Variants in TM2D1 observed in about 807,000 individuals in gnomAD.
TM2D1 encodes TM2 domain containing 1, also known as TM2 domain-containing protein 1.
In TM2D1, 15 loss-of-function variants were observed where a neutral mutation model predicts 28.4. That is an observed-to-expected ratio of 0.53 (90% CI 0.35 to 0.81). TM2D1 has a LOEUF of 0.81. Ranked by LOEUF, TM2D1 falls within the 40% of genes least tolerant of loss-of-function variation. The probability of loss-of-function intolerance (pLI) is 0.01; values close to 1 mark genes in which losing one functional copy is unlikely to be tolerated. For synonymous variants in TM2D1, 93 were observed against 96.2 expected, an observed-to-expected ratio of 0.97 and a Z score of 0.20; for missense variants, 236 against 254.9, an observed-to-expected ratio of 0.93 and a Z score of 0.50.
chr1:61,719,329 C>A (rs1205446728), intron 2 of TM2D1, among the ~76,000 whole-genome samples: 1 of 152,114 alleles, frequency 6.6e-6, no homozygotes, highest in Non-Finnish European at 1.5e-5. Flanking sequence ...GGATTACAGG[C>A]ATGGGCCACC....
intron 2 of TM2D1, among the ~76,000 whole-genome samples, chr1:61,721,353 C>G (rs925418510): frequency 6.6e-6 from 1 of 151,954 alleles, no homozygotes; most frequent in Non-Finnish European, 1.5e-5. Context: ...ACCAACCTGG[C>G]CAATACGGCG....
chr1:61,697,953 G>A (rs757674953), intron 4 of TM2D1: 21 of 152,120 alleles, frequency 1.4e-4, no homozygotes, highest in Non-Finnish European at 3.1e-4. Context: ...TTTTTGTGAA[G>A]CATCCCTAAG....
At chr1:61,719,065 A>AT (rs1389709678) in intron 2 of TM2D1, among the ~76,000 whole-genome samples, 14 of 152,042 alleles carry the variant, frequency 9.2e-5, no homozygotes, top group African/African-American at 3.4e-4. Flanking sequence ...TTTTTGTTTT[A>AT]TTTTTTATTT....
At chr1:61,690,960 T>C (rs1181454472) in intron 5 of TM2D1, among the ~76,000 whole-genome samples, 1 of 152,178 alleles carries the variant, frequency 6.6e-6, no homozygotes, top group Non-Finnish European at 1.5e-5. Flanking sequence ...AAATCCACTC[T>C]GTCATATTAA....
chr1:61,720,205 GC>G (rs1644552317), intron 2 of TM2D1, among the ~76,000 whole-genome samples: 1 of 151,860 alleles, frequency 6.6e-6, no homozygotes, highest in Non-Finnish European at 1.5e-5. Context: ...GAAAATACTT[GC>G]TGATATATGT....
intron 3 of TM2D1, among the ~76,000 whole-genome samples, chr1:61,702,612 C>T (rs527945738): frequency 2.0e-5 from 3 of 151,040 alleles, no homozygotes; most frequent in Non-Finnish European, 4.4e-5. Flanking sequence ...AAGTGACCCA[C>T]CCGCCTTGGC....
At chr1:61,716,446 T>C (rs950785236) in intron 2 of TM2D1, among the ~76,000 whole-genome samples, 1 of 145,700 alleles carries the variant, frequency 6.9e-6, no homozygotes, top group East Asian at 2.0e-4. Flanking sequence ...TATAATTATA[T>C]ATAATTTTAT....
chr1:61,719,681 G>A (rs1279273731), intron 2 of TM2D1, among the ~76,000 whole-genome samples: 1 of 151,938 alleles, frequency 6.6e-6, no homozygotes, highest in Non-Finnish European at 1.5e-5. Context: ...TTTTAGTAGA[G>A]ACGGGGTTTC....
At chr1:61,690,701 C>G (rs1644317919) in intron 5 of TM2D1, among the ~76,000 whole-genome samples, 1 of 152,068 alleles carries the variant, frequency 6.6e-6, no homozygotes. Flanking sequence ...TTTAACATAA[C>G]TGGTACTATA....
intron 3 of TM2D1, among the ~76,000 whole-genome samples, chr1:61,708,209 G>T (rs1208532682): frequency 5.3e-5 from 8 of 151,816 alleles, no homozygotes; most frequent in Non-Finnish European, 1.2e-4. Flanking sequence ...CACCTCACTG[G>T]GCTAATTTTT....
chr1:61,699,448 C>T (rs1001964502), intron 4 of TM2D1: 10 of 152,198 alleles, frequency 6.6e-5, no homozygotes, highest in African/African-American at 2.2e-4. Flanking sequence ...GCAAGATACT[C>T]AAAGCATTTT....
intron 3 of TM2D1, among the ~76,000 whole-genome samples, chr1:61,709,042 T>C (rs1398494736): frequency 6.6e-6 from 1 of 152,056 alleles, no homozygotes; most frequent in East Asian, 1.9e-4. Context: ...GGCACAAACC[T>C]GTACTCCAGC....
chr1:61,719,109 G>A (rs1227294638), intron 2 of TM2D1, among the ~76,000 whole-genome samples: 2 of 151,502 alleles, frequency 1.3e-5, no homozygotes, highest in African/African-American at 4.9e-5. Flanking sequence ...TTGCTCTGTC[G>A]CCCAGGCTAG....
chr1:61,686,743 T>A lies in TM2D1; in HGVS notation c.514-3197A>T, dbSNP rs1437216269. The stretch of plus-strand genomic sequence containing the variant: ...TATAATAAATGTGCCAATTCTAACA[T>A]CTGTCATTATGAGTATATGATTGTA... On this transcript the variant is annotated intron_variant, in intron 5 of 6. Transcript: ENST00000606498. 4.5e-6 allele frequency: 4 copies of A among 892,174 alleles called. No homozygotes were observed. The South Asian group carries it at 2.1e-4, about 46-fold the overall frequency. The allele number at this position is 892,174 out of a possible 1,614,324, so 55.3% of individuals were successfully genotyped here.
chr1:61,725,021 C>T lies in TM2D1; in HGVS notation c.100G>A (p.Gly34Arg), dbSNP rs776468722. Residue 34 changes from glycine to arginine, a missense_variant, in exon 1 of 7, where the codon GGG becomes AGG. Coordinates refer to ENST00000606498, the MANE Select transcript of TM2D1 (RefSeq NM_032027.3). Reference protein sequence around the residue: ...WFVSVTTGPWGAVATSAGGEE... With the variant: ...WFVSVTTGPWRAVATSAGGEE... ...CCCCCGGCGGAGGTGGCAACAGCCC[C>T]CCAGGGTCCTGTAGTGACTGAGACG... is the stretch of plus-strand genomic sequence containing the variant. The T allele has an allele frequency of 4.3e-6, 7 of 1,612,790 alleles. No individual in the cohort carries two copies. Among genetic ancestry groups the T allele is most frequent in the Admixed American group, 1.7e-5 (1 of 59,966 alleles).
intron 5 of TM2D1, among the ~76,000 whole-genome samples, chr1:61,684,630 A>C (rs913356344): frequency 1.3e-5 from 2 of 152,084 alleles, no homozygotes; most frequent in Admixed American, 6.6e-5. Flanking sequence ...TTTTGTTTAA[A>C]AATAATTTGC....
intron 2 of TM2D1, among the ~76,000 whole-genome samples, chr1:61,720,449 C>A (rs1418704548): frequency 6.6e-6 from 1 of 152,004 alleles, no homozygotes; most frequent in Non-Finnish European, 1.5e-5. Flanking sequence ...GCCATGTTTG[C>A]CAGACTGGTC....
At chr1:61,700,410 G>C (rs1416052477) in intron 4 of TM2D1, 1 of 1,154,968 alleles carries the variant, frequency 8.7e-7, no homozygotes, top group Non-Finnish European at 1.1e-6. Context: ...AGTAACTATA[G>C]TAAATGTGAT....
chr1:61,687,665 G>C (rs1234830384), intron 5 of TM2D1, among the ~76,000 whole-genome samples: 28 of 151,590 alleles, frequency 1.8e-4, no homozygotes, highest in Admixed American at 1.7e-3. Flanking sequence ...GGTAACTCAA[G>C]TATTTTATAA....
Sources: allele counts gnomAD v4.1 joint callset (sites outside exome capture counted in the v4.1 genomes callset), GRCh38; gene constraint gnomAD v4.1.1; transcripts MANE v1.5; gene names NCBI Gene and HGNC (gene_info 2026-07-23, HGNC 2026-07-21).